XYLT1: variants seen among roughly 807,000 people sequenced by gnomAD.
XYLT1 encodes beta-D-xylosyltransferase 1.
XYLT1 carries 36 observed loss-of-function variants against 91.3 expected under a neutral mutation model. The ratio of observed to expected loss-of-function variants is 0.39; its 90% CI spans 0.30 to 0.52. The LOEUF (loss-of-function observed/expected upper bound fraction) is 0.52. XYLT1 is among the 20% of genes least tolerant of loss of function. The probability of loss-of-function intolerance (pLI) is 0.68; values close to 1 mark genes in which losing one functional copy is unlikely to be tolerated. For missense variants in XYLT1, 1,242 were observed against 1,284.5 expected (o/e 0.97, Z 0.51); for synonymous variants, 588 against 532.0 (o/e 1.11, Z -1.45).
intron 2 of XYLT1, among the ~76,000 whole-genome samples, chr16:17,289,470 T>C (rs1264384518): frequency 6.6e-6 from 1 of 152,200 alleles, no homozygotes; most frequent in Non-Finnish European, 1.5e-5. Context: ...CTCAAGGGGC[T>C]TTGTTTCCCC....
At chr16:17,387,725 A>G (rs1366321192) in intron 1 of XYLT1, among the ~76,000 whole-genome samples, 2 of 151,876 alleles carry the variant, frequency 1.3e-5, no homozygotes, top group African/African-American at 4.8e-5. Flanking sequence ...CAACTTCCAC[A>G]TGGAACCCCT....
intron 5 of XYLT1, among the ~76,000 whole-genome samples, chr16:17,197,793 G>T (rs2032459452): frequency 6.6e-6 from 1 of 152,210 alleles, no homozygotes; most frequent in Non-Finnish European, 1.5e-5. Context: ...GAGGTTTTGA[G>T]AATCAGACTG....
At chr16:17,180,620 A>G (rs1451962238) in intron 5 of XYLT1, among the ~76,000 whole-genome samples, 1 of 152,184 alleles carries the variant, frequency 6.6e-6, no homozygotes, top group African/African-American at 2.4e-5. Context: ...ATAAGGGAAC[A>G]ACCACCATTG....
intron 6 of XYLT1, among the ~76,000 whole-genome samples, chr16:17,158,036 T>C (rs1053973160): frequency 1.3e-3 from 63 of 49,148 alleles, no homozygotes; most frequent in African/African-American, 6.3e-3. Context: ...CATGAGCCAC[T>C]GCGCCTGGCC....
intron 2 of XYLT1, among the ~76,000 whole-genome samples, chr16:17,277,909 G>A (rs538417633): frequency 6.6e-6 from 1 of 152,276 alleles, no homozygotes; most frequent in South Asian, 2.1e-4. Context: ...ATCTCAGCAG[G>A]TTTATGAGCC....
intron 1 of XYLT1, among the ~76,000 whole-genome samples, chr16:17,410,473 A>G (rs1319153531): frequency 6.6e-6 from 1 of 152,072 alleles, no homozygotes; most frequent in African/African-American, 2.4e-5. Flanking sequence ...TTTCAAAACC[A>G]TCAGATCTCA....
At chr16:17,204,713 G>A (rs962731474) in intron 3 of XYLT1, among the ~76,000 whole-genome samples, 1 of 152,190 alleles carries the variant, frequency 6.6e-6, no homozygotes, top group African/African-American at 2.4e-5. Flanking sequence ...CAAGGAAGCT[G>A]AGGCTTGGAG....
chr16:17,345,880 G>A lies in XYLT1; in HGVS notation c.402+12132C>T, dbSNP rs148722320. The stretch of plus-strand genomic sequence containing the variant: ...TGGTGGAGTACAGTGGCTTGATCTC[G>A]GCTCACTGCAACCTCCATTTCCTGG... On this transcript the variant is annotated intron_variant, in intron 2 of 11. Coordinates refer to ENST00000261381, the MANE Select transcript of XYLT1 (RefSeq NM_022166.4). 4.8e-3 allele frequency among the ~76,000 whole-genome samples: 735 copies of A among 152,202 alleles called. 7 individuals carry two copies. Among genetic ancestry groups the A allele is most frequent in the Middle Eastern group, 0.048 (14 of 294 alleles).
rs996101817 is a variant in XYLT1 at position 17,253,103 on chromosome 16, C to T, written c.913+5885G>A. ...GTTTCCAGAAAGGGAACACAATCCC[C>T]GTATGGGGTGTAATTACATCTTAGC... On this transcript the variant is annotated intron_variant, in intron 3 of 11. Transcript: ENST00000261381. 5.9e-5 allele frequency among the ~76,000 whole-genome samples: 9 copies of T among 152,158 alleles called. No individual in the cohort carries two copies. In the South Asian group the frequency reaches 1.5e-3, roughly 25 times the overall value.
intron 3 of XYLT1, among the ~76,000 whole-genome samples, chr16:17,249,074 C>G (rs920536518): frequency 6.6e-6 from 1 of 152,148 alleles, no homozygotes; most frequent in Non-Finnish European, 1.5e-5. Context: ...CCAACTTTAA[C>G]AGGCCACAAG....
At chr16:17,142,295 G>T (rs897284375) in intron 6 of XYLT1, among the ~76,000 whole-genome samples, 1 of 152,130 alleles carries the variant, frequency 6.6e-6, no homozygotes, top group Non-Finnish European at 1.5e-5. Flanking sequence ...AAAGTGCTGG[G>T]ATTATAGGTG....
chr16:17,397,607 T>C (rs1331026653), intron 1 of XYLT1, among the ~76,000 whole-genome samples: 1 of 151,992 alleles, frequency 6.6e-6, no homozygotes, highest in Non-Finnish European at 1.5e-5. Flanking sequence ...CTCTCACACA[T>C]ATTCTTGGTT....
At chr16:17,126,656 C>T (rs2030270974) in intron 10 of XYLT1, among the ~76,000 whole-genome samples, 1 of 152,214 alleles carries the variant, frequency 6.6e-6, no homozygotes, top group Non-Finnish European at 1.5e-5. Flanking sequence ...TACAATCAGA[C>T]TCTTGGTCCC....
At chr16:17,192,383 T>C (rs2032333246) in intron 5 of XYLT1, among the ~76,000 whole-genome samples, 1 of 152,024 alleles carries the variant, frequency 6.6e-6, no homozygotes, top group Non-Finnish European at 1.5e-5. Context: ...ATTACAGGCA[T>C]GAGCCACCAC....
At chr16:17,283,869 T>C (rs992076542) in intron 2 of XYLT1, among the ~76,000 whole-genome samples, 5 of 152,336 alleles carry the variant, frequency 3.3e-5, no homozygotes, top group African/African-American at 1.2e-4. Context: ...TTGACAACCA[T>C]GAATTAGGAC....
intron 2 of XYLT1, among the ~76,000 whole-genome samples, chr16:17,270,190 A>G (rs1218453410): frequency 6.6e-6 from 1 of 152,166 alleles, no homozygotes; most frequent in African/African-American, 2.4e-5. Flanking sequence ...TGCTTTTCCT[A>G]TTGCAACAGG....
At chr16:17,417,616 A>G (rs900725292) in intron 1 of XYLT1, among the ~76,000 whole-genome samples, 2 of 152,186 alleles carry the variant, frequency 1.3e-5, no homozygotes, top group African/African-American at 4.8e-5. Flanking sequence ...TTAACAAAGA[A>G]GCCGGCGTGT....
At chr16:17,189,330 A>G (rs2032257934) in intron 5 of XYLT1, among the ~76,000 whole-genome samples, 1 of 152,196 alleles carries the variant, frequency 6.6e-6, no homozygotes, top group African/African-American at 2.4e-5. Context: ...GCATGGGTAG[A>G]GAAGATCCGG....
chr16:17,305,500 C>G (rs2034458197), intron 2 of XYLT1, among the ~76,000 whole-genome samples: 1 of 151,264 alleles, frequency 6.6e-6, no homozygotes, highest in African/African-American at 2.4e-5. Flanking sequence ...ACTGAAACCT[C>G]CGCCTCCTGG....
Sources: allele counts gnomAD v4.1 joint callset (sites outside exome capture counted in the v4.1 genomes callset), GRCh38; gene constraint gnomAD v4.1.1; transcripts MANE v1.5; gene names NCBI Gene and HGNC (gene_info 2026-07-23, HGNC 2026-07-21).